The following ABCB1 variants were observed in gnomAD, a reference collection of about 807,000 sequenced individuals.
The protein encoded by ABCB1 is ATP binding cassette subfamily B member 1.
Under a neutral mutation model 142.0 loss-of-function variants are expected in ABCB1, and 69 were observed. That is an observed-to-expected ratio of 0.49 (90% confidence interval 0.40 to 0.59). ABCB1 has a LOEUF of 0.59. Among genes scored for constraint, ABCB1 ranks in the 20% least tolerant of loss-of-function variants. The probability of loss-of-function intolerance (pLI) is 0.00; values close to 1 mark genes in which losing one functional copy is unlikely to be tolerated. For synonymous variants in ABCB1, 532 were observed against 539.2 expected (o/e 0.99, Z 0.18); for missense variants, 1,326 against 1,554.7 (o/e 0.85, Z 2.47).
chr7:87,659,586 A>C (rs1219971355), intron 1 of ABCB1, among the ~76,000 whole-genome samples: 1 of 152,142 alleles, frequency 6.6e-6, no homozygotes, highest in East Asian at 1.9e-4. Context: ...CACCAAAGAT[A>C]ATTTAGAACA....
At position 87,521,936 on chromosome 7, in the gene ABCB1, T is replaced by G. The variant is rs201145392; in HGVS notation, c.2686-1060A>C. ...GTAACTTTTGACGACCATGACTCCA[T>G]GGGTAAGACTGTCACTGAGAAATAC... On this transcript the variant is annotated intron_variant, in intron 21 of 27. Coordinates refer to ENST00000622132, the MANE Select transcript of ABCB1 (RefSeq NM_001348946.2). 15 of 782,728 alleles carry G rather than the reference T, an allele frequency of 1.9e-5. No homozygotes were observed. In the East Asian group the frequency reaches 3.4e-4, roughly 18 times the overall value. The allele number at this position is 782,728 out of a possible 1,614,324, so 48.5% of individuals were successfully genotyped here. A position where few individuals can be genotyped will look rare whatever the true frequency, so the allele number is the denominator to read the frequency against.
intron 1 of ABCB1, chr7:87,628,767 G>A (rs1040488622): frequency 1.8e-6 from 2 of 1,083,954 alleles, no homozygotes; most frequent in Non-Finnish European, 2.4e-6. Flanking sequence ...CCCTTAAGCA[G>A]GTGTGGGGGG....
chr7:87,628,687 CCCTT>C, intron 1 of ABCB1: 1 of 511,398 alleles, frequency 2.0e-6, no homozygotes, highest in South Asian at 1.1e-4. Flanking sequence ...GTCTTCCACA[CCCTT>C]CCTCCCTCCA....
intron 18 of ABCB1, among the ~76,000 whole-genome samples, chr7:87,540,647 G>T (rs1218228764): frequency 6.6e-6 from 1 of 152,044 alleles, no homozygotes; most frequent in African/African-American, 2.4e-5. Flanking sequence ...ACAGAGTTCC[G>T]CCATGTTGGC....
At position 87,610,149 on chromosome 7, in the gene ABCB1, TGCCC is replaced by T. The variant is rs1407050264; in HGVS notation, c.-330-9075_-330-9072del. Among the ~76,000 whole-genome samples the T allele has an allele frequency of 3.3e-5, 5 of 152,102 alleles. No homozygotes were observed. In the East Asian group the frequency reaches 9.6e-4, roughly 29 times the overall value. ...TATTGTCTCTACTGTTTGAATAATA[TGCCC>T]TGACCTTGTAGTTGTGTTTCTTCTA... On this transcript the variant is annotated intron_variant, in intron 1 of 28. Transcript: ENST00000265724.
chr7:87,569,357 A>G (rs1443918038), intron 5 of ABCB1, among the ~76,000 whole-genome samples: 1 of 145,130 alleles, frequency 6.9e-6, no homozygotes, highest in African/African-American at 2.5e-5. Flanking sequence ...AAAAAAATCT[A>G]TTTTTTTCAA....
At chr7:87,575,913 T>C (rs1818254444) in intron 4 of ABCB1, among the ~76,000 whole-genome samples, 1 of 152,018 alleles carries the variant, frequency 6.6e-6, no homozygotes, top group Admixed American at 6.5e-5. Flanking sequence ...ACTAGCAGAG[T>C]GGAAAAGATA....
At chr7:87,545,136 G>A in intron 15 of ABCB1, 137 bp from the exon 16 acceptor site, 1 of 768,184 alleles carries the variant, frequency 1.3e-6, no homozygotes, top group Non-Finnish European at 2.2e-6. Context: ...AATCTGCTGT[G>A]TTGTTTTATG....
At chr7:87,656,726 A>G (rs1055826400) in intron 1 of ABCB1, among the ~76,000 whole-genome samples, 2 of 152,154 alleles carry the variant, frequency 1.3e-5, no homozygotes, top group Non-Finnish European at 2.9e-5. Context: ...AGGAAAATCA[A>G]TTGATTTGTT....
At chr7:87,708,926 C>T (rs573806746) in intron 1 of ABCB1, among the ~76,000 whole-genome samples, 29 of 152,244 alleles carry the variant, frequency 1.9e-4, no homozygotes, top group African/African-American at 6.7e-4. Context: ...ATTACTTTTA[C>T]TTATTTTTTC....
intron 8 of ABCB1, among the ~76,000 whole-genome samples, chr7:87,557,797 T>A (rs994021493): frequency 1.3e-5 from 2 of 152,222 alleles, no homozygotes; most frequent in Non-Finnish European, 2.9e-5. Flanking sequence ...CCTTCTCAGG[T>A]TTTATTCCAT....
At chr7:87,587,678 T>C (rs1049929870) in intron 3 of ABCB1, among the ~76,000 whole-genome samples, 7 of 152,040 alleles carry the variant, frequency 4.6e-5, no homozygotes, top group Admixed American at 2.0e-4. Context: ...AATACCATCC[T>C]GGCTAACACA....
chr7:87,549,266 C>G, intron 14 of ABCB1, 82 bp downstream of exon 14: 4 of 1,564,408 alleles, frequency 2.6e-6, no homozygotes, highest in Non-Finnish European at 3.5e-6. Context: ...ATTTCCTTTT[C>G]TAAGACCAAT....
At chr7:87,703,725 A>G (rs1036712305) in intron 1 of ABCB1, among the ~76,000 whole-genome samples, 2 of 151,832 alleles carry the variant, frequency 1.3e-5, no homozygotes, top group African/African-American at 4.8e-5. Context: ...ACATATTAAC[A>G]GATGTCTTTT....
At chr7:87,706,500 G>A (rs979122344) in intron 1 of ABCB1, among the ~76,000 whole-genome samples, 3 of 152,152 alleles carry the variant, frequency 2.0e-5, no homozygotes, top group Non-Finnish European at 4.4e-5. Flanking sequence ...ACCTACTGCT[G>A]AGAACAACTA....
intron 1 of ABCB1, among the ~76,000 whole-genome samples, chr7:87,647,297 TTTG>T (rs1823106972): frequency 6.7e-6 from 1 of 148,194 alleles, no homozygotes; most frequent in Non-Finnish European, 1.5e-5. Flanking sequence ...TCCATTCTCT[TTTG>T]TTGTTGTTAT....
chr7:87,562,899 G>A (rs978923371), intron 7 of ABCB1, among the ~76,000 whole-genome samples: 1 of 151,972 alleles, frequency 6.6e-6, no homozygotes, highest in African/African-American at 2.4e-5. Context: ...AAGAGTTCAC[G>A]ACCAGCCTGG....
chr7:87,540,497 G>C (rs553270255), intron 18 of ABCB1, among the ~76,000 whole-genome samples: 5 of 152,336 alleles, frequency 3.3e-5, no homozygotes, highest in African/African-American at 9.6e-5. Context: ...CTGGAGTGCA[G>C]TGGCACGATC....
At chr7:87,648,635 A>T (rs1478413210) in intron 1 of ABCB1, among the ~76,000 whole-genome samples, 4 of 152,194 alleles carry the variant, frequency 2.6e-5, no homozygotes, top group African/African-American at 9.6e-5. Context: ...CAGAGAAGTA[A>T]AACACTTGAA....
Sources: gnomAD v4.1 joint callset for allele counts (sites outside exome capture counted in the v4.1 genomes callset) on GRCh38, gnomAD v4.1.1 for gene constraint, MANE v1.5 for transcripts, NCBI Gene and HGNC (gene_info 2026-07-23, HGNC 2026-07-21) for gene names.